Variants in LRRK1 observed in about 807,000 individuals in gnomAD.
The protein encoded by LRRK1 is leucine-rich repeat serine/threonine-protein kinase 1.
Under a neutral mutation model 209.1 loss-of-function variants are expected in LRRK1, and 113 were observed. The observed-to-expected ratio is 0.54, with a 90% CI of 0.46 to 0.63. LRRK1 has a LOEUF of 0.63. Ranked by LOEUF, LRRK1 falls within the 30% of genes least tolerant of loss-of-function variation. LRRK1 has a pLI of 0.00. For missense variants in LRRK1, 2,284 were observed against 2,632.2 expected, an observed-to-expected ratio of 0.87 and a Z score of 2.89; for synonymous variants, 1,144 against 1,099.7, an observed-to-expected ratio of 1.04 and a Z score of -0.80.
intron 21 of LRRK1, among the ~76,000 whole-genome samples, chr15:101,047,419 G>C (rs2035145805): frequency 6.6e-6 from 1 of 152,218 alleles, no homozygotes. Context: ...GTGTGCCGCT[G>C]TCTTCTCAAG....
intron 32 of LRRK1, among the ~76,000 whole-genome samples, 157 bp downstream of exon 32, chr15:101,066,362 C>T (rs774308829): frequency 5.9e-5 from 9 of 152,180 alleles, no homozygotes; most frequent in Non-Finnish European, 1.3e-4. Context: ...GGAATGGAAG[C>T]GATCGCTTTA....
chr15:100,934,626 CAAAAA>C (rs71151991), intron 2 of LRRK1, among the ~76,000 whole-genome samples: 14 of 72,378 alleles, frequency 1.9e-4, no homozygotes, highest in East Asian at 1.7e-3. Context: ...CCCATCTCTA[CAAAAA>C]AAAAAAAAAA....
intron 4 of LRRK1, among the ~76,000 whole-genome samples, chr15:100,986,260 A>C (rs1202672136): frequency 6.6e-6 from 1 of 152,096 alleles, no homozygotes; most frequent in African/African-American, 2.4e-5. Flanking sequence ...TGAGAAGAAG[A>C]GGGATGAGAG....
chr15:100,952,898 T>C (rs2042682696), intron 2 of LRRK1, among the ~76,000 whole-genome samples: 1 of 152,236 alleles, frequency 6.6e-6, no homozygotes, highest in Admixed American at 6.5e-5. Context: ...TAACAGAATC[T>C]ATTGACCAAA....
intron 1 of LRRK1, among the ~76,000 whole-genome samples, chr15:100,921,958 T>A (rs1009244913): frequency 1.3e-5 from 2 of 152,194 alleles, no homozygotes; most frequent in African/African-American, 2.4e-5. Context: ...CCTCAAGTGA[T>A]CCACTCTCCT....
chr15:101,062,355 C>T lies in LRRK1; in HGVS notation c.4798-219C>T, dbSNP rs535616447. The T allele has an allele frequency of 3.4e-4, 159 of 466,632 alleles. 1 individual carries two copies. The highest frequency in any genetic ancestry group is 5.3e-4 in the Non-Finnish European group (139 of 260,278). 28.9% of individuals were successfully genotyped at this position (466,632 alleles called of 1,614,324 possible). A position where few individuals can be genotyped will look rare whatever the true frequency, so the allele number is the denominator to read the frequency against. On this transcript the variant is annotated intron_variant, in intron 30 of 33. Transcript: ENST00000388948. The stretch of plus-strand genomic sequence containing the variant: ...TTGGTTTTCTCTGGGGAATAGATGA[C>T]GGGCTATTTTCTGTTTCCTCTTTAG...
At chr15:101,049,052 C>T (rs1247441966) in intron 22 of LRRK1, among the ~76,000 whole-genome samples, 9 of 152,200 alleles carry the variant, frequency 5.9e-5, no homozygotes. Context: ...TGCTGAGACT[C>T]CTCAGCCCCC....
At chr15:100,998,347 C>G (rs553005218) in intron 6 of LRRK1, among the ~76,000 whole-genome samples, 17 of 152,150 alleles carry the variant, frequency 1.1e-4, no homozygotes, top group Non-Finnish European at 1.8e-4. Context: ...GGACACCCTG[C>G]AGATCCCCAC....
intron 2 of LRRK1, among the ~76,000 whole-genome samples, chr15:100,926,504 T>C (rs2042112733): frequency 7.0e-6 from 1 of 143,298 alleles, no homozygotes; most frequent in Admixed American, 6.9e-5. Flanking sequence ...TCTAAAGGAG[T>C]GCTTCTCAAC....
rs574352705 is a variant in LRRK1 at position 101,077,633 on chromosome 15, G to C, written c.*8785G>C. On this transcript the variant is annotated 3_prime_UTR_variant, in exon 34 of 34. Transcript: ENST00000388948. ...ATGACGAATGTTTCTTCTAACAACC[G>C]CACAATATCACCCCTTACCACAAGA... 3 of 152,032 alleles carry C rather than the reference G, an allele frequency of 2.0e-5. No homozygotes were observed. The highest frequency in any genetic ancestry group is 1.3e-4 in the Admixed American group (2 of 15,272). The allele number at this position is 152,032 out of a possible 1,614,324, so 9.4% of individuals were successfully genotyped here. A position where few individuals can be genotyped will look rare whatever the true frequency, so the allele number is the denominator to read the frequency against.
At chr15:100,954,933 G>A (rs1286074502) in intron 2 of LRRK1, among the ~76,000 whole-genome samples, 1 of 152,138 alleles carries the variant, frequency 6.6e-6, no homozygotes, top group Non-Finnish European at 1.5e-5. Flanking sequence ...TTTTAAATCA[G>A]GAAGTGTGAT....
chr15:100,997,584 C>T (rs577880338), intron 6 of LRRK1, among the ~76,000 whole-genome samples: 42 of 152,316 alleles, frequency 2.8e-4, no homozygotes, highest in African/African-American at 1.0e-3. Context: ...CAAGTACTGT[C>T]ACACACCTAT....
At position 101,028,981 on chromosome 15, in the gene LRRK1, C is replaced by G. The variant is rs1178857233; in HGVS notation, c.2712C>G (p.Gly904=). 3 of 1,614,036 alleles carry G rather than the reference C, an allele frequency of 1.9e-6. No homozygotes were observed. The highest frequency in any genetic ancestry group is 2.5e-6 in the Non-Finnish European group (3 of 1,180,034). The change falls in exon 20 of 34, where the codon GGC becomes GGG. Residue 904 remains glycine (G), a synonymous_variant. Coordinates refer to ENST00000388948, the MANE Select transcript of LRRK1 (RefSeq NM_024652.6). The part of the protein sequence containing the change: ...QSAISFLIET[G]TLLHFPDTSH... The stretch of plus-strand genomic sequence containing the variant: ...CCATCAGCTTCCTCATAGAAACCGG[C>G]ACCCTGCTCCATTTCCCGGACACCA...
chr15:101,046,282 TGTA>T (rs1459258295), intron 21 of LRRK1, 130 bp downstream of exon 21: 25 of 1,048,786 alleles, frequency 2.4e-5, no homozygotes, highest in Middle Eastern at 2.9e-4. Context: ...ATGCCACCAA[TGTA>T]GTGCCAGGGG....
Position 100,943,467 on chromosome 15 carries a change from A to G in LRRK1, c.97+18738A>G, listed in dbSNP as rs553222374. Among the ~76,000 whole-genome samples, 70 of 152,336 alleles carry G rather than the reference A, an allele frequency of 4.6e-4. 1 individual carries two copies. The South Asian group carries it at 0.014, about 32-fold the overall frequency. The stretch of plus-strand genomic sequence containing the variant: ...CTCACTTTCTCCCCCAAATTTCTAC[A>G]AAACAACAAATTTCTATCTTTGTTG... On this transcript the variant is annotated intron_variant, in intron 2 of 33. Coordinates refer to ENST00000388948, the MANE Select transcript of LRRK1 (RefSeq NM_024652.6).
intron 2 of LRRK1, among the ~76,000 whole-genome samples, chr15:100,964,696 T>C (rs12909174): frequency 0.7 from 107,042 of 152,112 alleles, 37,994 homozygotes; most frequent in Middle Eastern, 0.76. Context: ...TTTTCTAAGA[T>C]TTACAGAGGA....
chr15:101,058,417 AG>A (rs150186840), intron 29 of LRRK1, among the ~76,000 whole-genome samples: 2,573 of 152,316 alleles, frequency 0.017, 55 homozygotes, highest in Middle Eastern at 0.034. Flanking sequence ...ATGTGCCTAC[AG>A]TCCTAGCCAC....
At chr15:100,952,096 C>T (rs893472557) in intron 2 of LRRK1, among the ~76,000 whole-genome samples, 2 of 151,732 alleles carry the variant, frequency 1.3e-5, no homozygotes, top group Non-Finnish European at 2.9e-5. Context: ...TGTATTATTC[C>T]ACGTATATGA....
chr15:101,057,975 G>A lies in LRRK1; in HGVS notation c.4528-15G>A. On this transcript the variant is annotated splice_polypyrimidine_tract_variant and intron_variant, in intron 28 of 33. Transcript: ENST00000388948. ...TAAGTGACCTTGCTCTCTTCTGGTG[G>A]CTTCTCTCCCTCAGCGACCGCTGGC... is the stretch of plus-strand genomic sequence containing the variant. 1 of 1,613,918 alleles carries A rather than the reference G, an allele frequency of 6.2e-7. No individual in the cohort carries two copies.
Sources: gnomAD v4.1 joint callset for allele counts (sites outside exome capture counted in the v4.1 genomes callset) on GRCh38, gnomAD v4.1.1 for gene constraint, MANE v1.5 for transcripts, NCBI Gene and HGNC (gene_info 2026-07-23, HGNC 2026-07-21) for gene names.